SEMA4F: variants seen among roughly 807,000 people sequenced by gnomAD.
SEMA4F encodes semaphorin-4F.
In SEMA4F, 51 loss-of-function variants were observed where a neutral mutation model predicts 78.4. The observed-to-expected ratio is 0.65, with a 90% CI of 0.52 to 0.82. The LOEUF (loss-of-function observed/expected upper bound fraction) is 0.82, where lower values mean the gene tolerates loss of function less well. SEMA4F is among the 40% of genes least tolerant of loss of function. SEMA4F has a pLI of 0.00. For missense variants in SEMA4F, 938 were observed against 1,014.4 expected (o/e 0.92, Z 1.02); for synonymous variants, 418 against 408.7 (o/e 1.02, Z -0.27).
At chr2:74,673,882 G>T (rs954369380) in intron 7 of SEMA4F, 54 bp downstream of exon 7, 5 of 1,561,064 alleles carry the variant, frequency 3.2e-6, no homozygotes, top group Non-Finnish European at 4.3e-6. Context: ...TCTGTCCCCC[G>T]TCTTATCTTT....
chr2:74,655,560 C>T (rs1211041069), intron 1 of SEMA4F, among the ~76,000 whole-genome samples: 1 of 152,158 alleles, frequency 6.6e-6, no homozygotes, highest in Non-Finnish European at 1.5e-5. Context: ...TATAGGGATG[C>T]TGTGATTCCA....
intron 5 of SEMA4F, among the ~76,000 whole-genome samples, chr2:74,668,929 CAAAAAAAA>C (rs1308342967): frequency 7.2e-5 from 4 of 55,662 alleles, no homozygotes; most frequent in Non-Finnish European, 1.1e-4. Context: ...CAAGCGTGGC[CAAAAAAAA>C]AAAAAAAAAA....
the SEMA4F span, among the ~76,000 whole-genome samples, chr2:74,695,171 A>G: frequency 6.6e-6 from 1 of 152,180 alleles, no homozygotes; most frequent in Non-Finnish European, 1.5e-5. Context: ...TCAGCAGGTT[A>G]TAGCAACACT....
At chr2:74,695,778 C>G in the SEMA4F span, among the ~76,000 whole-genome samples, 1 of 152,140 alleles carries the variant, frequency 6.6e-6, no homozygotes, top group South Asian at 2.1e-4. Flanking sequence ...CAGGAAGTAA[C>G]CAGATATGAA....
chr2:74,657,516 G>A, intron 2 of SEMA4F, 49 bp from the exon 3 acceptor site: 1 of 1,554,054 alleles, frequency 6.4e-7, no homozygotes, highest in Non-Finnish European at 8.9e-7. Context: ...CATCGAGGGA[G>A]TTTGATGTTA....
intron 3 of SEMA4F, 70 bp from the exon 4 acceptor site, chr2:74,657,783 G>C (rs1184266899): frequency 7.5e-6 from 11 of 1,471,782 alleles, no homozygotes; most frequent in Non-Finnish European, 1.0e-5. Context: ...GCATCTAACT[G>C]TCCTGACGTT....
chr2:74,690,941 T>C, the SEMA4F span, among the ~76,000 whole-genome samples: 1 of 152,210 alleles, frequency 6.6e-6, no homozygotes, highest in East Asian at 1.9e-4. Flanking sequence ...CCAATCTAGA[T>C]AAGGGAAATT....
In SEMA4F at chr2:74,679,732, T is replaced by C. The variant is rs1685490314; in HGVS notation, c.1836T>C (p.Asp612=). 1 of 1,613,972 alleles carries C rather than the reference T, an allele frequency of 6.2e-7. No homozygotes were observed. Among genetic ancestry groups the C allele is most frequent in the Admixed American group, 1.7e-5 (1 of 60,006 alleles). ...SGVTALTPRR[D]GLEVVVTPGA... is the part of the protein sequence containing the mutation. ...TGACTGCACTCACCCCCCGGCGGGA[T>C]GGACTGGAGGTGGTGGTGACCCCAG... The change falls in exon 14 of 14, where the codon GAT becomes GAC. Residue 612 remains aspartate (D), a synonymous_variant. Coordinates refer to ENST00000357877, the MANE Select transcript of SEMA4F (RefSeq NM_004263.5).
At chr2:74,696,697 C>T in the SEMA4F span, among the ~76,000 whole-genome samples, 1 of 151,810 alleles carries the variant, frequency 6.6e-6, no homozygotes, top group South Asian at 2.1e-4. Context: ...ACCACCTGTT[C>T]CCCAAAAACC....
chr2:74,654,468 C>G lies in SEMA4F; in HGVS notation c.92C>G (p.Pro31Arg), dbSNP rs780277009. The change falls in exon 1 of 14, where the codon CCG becomes CGG. Residue 31 changes from proline to arginine, a missense_variant. Physicochemically the swap from Pro to Arg is moderately radical, Grantham distance 103. Coordinates refer to ENST00000357877, the MANE Select transcript of SEMA4F (RefSeq NM_004263.5). ...PLLLLAVLSG[P>R]VSGRVPRSVP... ...CTGCTGCTGGCGGTGCTGAGCGGCC[C>G]GGTATCCGGCCGCGTCCCCCGCTCG... 1.9e-6 allele frequency: 3 copies of G among 1,574,386 alleles called. No homozygotes were observed. Among genetic ancestry groups the G allele is most frequent in the Non-Finnish European group, 2.6e-6 (3 of 1,164,970 alleles).
At chr2:74,670,729 A>G (rs1271887937) in intron 5 of SEMA4F, among the ~76,000 whole-genome samples, 1 of 152,162 alleles carries the variant, frequency 6.6e-6, no homozygotes, top group Non-Finnish European at 1.5e-5. Flanking sequence ...CTTAGGGAAC[A>G]TTTTCAAACT....
At chr2:74,679,392 G>C (rs1351373472) in intron 13 of SEMA4F, 58 bp downstream of exon 13, 5 of 1,514,908 alleles carry the variant, frequency 3.3e-6, no homozygotes, top group African/African-American at 2.7e-5. Context: ...AAAGGGGCTA[G>C]AGAGTTGTTC....
downstream of SEMA4F, among the ~76,000 whole-genome samples, chr2:74,686,360 A>G (rs1685822891): frequency 6.6e-6 from 1 of 152,150 alleles, no homozygotes; most frequent in South Asian, 2.1e-4. Flanking sequence ...CGGCCTCCCA[A>G]AGTGCTGGGA....
intron 5 of SEMA4F, among the ~76,000 whole-genome samples, chr2:74,665,308 C>A (rs1263030379): frequency 3.3e-5 from 5 of 149,688 alleles, no homozygotes; most frequent in Admixed American, 6.7e-5. Context: ...CCACTCACTG[C>A]GAACTGCACC....
rs3025988 is a variant in SEMA4F at position 74,665,045 on chromosome 2, C to A, written c.550+2220C>A. 3.1e-3 allele frequency among the ~76,000 whole-genome samples: 469 copies of A among 152,038 alleles called. 2 individuals are homozygous for A. The highest frequency in any genetic ancestry group is 0.011 in the African/African-American group (446 of 41,486). ...GCATCATTGATCATACTGTTTTTTT[C>A]TTTCCTTGCTGACTTTTTTTGCCAA... On this transcript the variant is annotated intron_variant, in intron 5 of 13. Transcript: ENST00000357877.
chr2:74,671,608 T>C (rs1440397467), intron 5 of SEMA4F, among the ~76,000 whole-genome samples: 1 of 152,234 alleles, frequency 6.6e-6, no homozygotes, highest in African/African-American at 2.4e-5. Context: ...TGTCATGACT[T>C]AAGCATGAAG....
chr2:74,661,906 C>A lies in SEMA4F; in HGVS notation c.457-826C>A, dbSNP rs532128201. On this transcript the variant is annotated intron_variant, in intron 4 of 13. Coordinates refer to ENST00000357877, the MANE Select transcript of SEMA4F (RefSeq NM_004263.5). ...TGGCATTTCCGTGCCATAACTTTGA[C>A]TCTCAACCAGCCACTGTTAACTTCC... Among the ~76,000 whole-genome samples the A allele has an allele frequency of 9.8e-5, 15 of 152,328 alleles. No homozygotes were observed. In the South Asian group the frequency reaches 3.1e-3, roughly 32 times the overall value.
intron 1 of SEMA4F, among the ~76,000 whole-genome samples, chr2:74,656,094 T>C (rs2104904750): frequency 6.6e-6 from 1 of 151,934 alleles, no homozygotes; most frequent in Non-Finnish European, 1.5e-5. Context: ...CTGCAACCTC[T>C]GCCTCCCAGG....
chr2:74,668,713 T>A (rs1478985386), intron 5 of SEMA4F, among the ~76,000 whole-genome samples: 1 of 151,092 alleles, frequency 6.6e-6, no homozygotes, highest in East Asian at 1.9e-4. Context: ...TGGGTTCAAG[T>A]GATTCTCCTG....
Sources: gnomAD v4.1 joint callset for allele counts (sites outside exome capture counted in the v4.1 genomes callset) on GRCh38, gnomAD v4.1.1 for gene constraint, MANE v1.5 for transcripts, NCBI Gene and HGNC (gene_info 2026-07-23, HGNC 2026-07-21) for gene names.